Variants in MTRF1 observed in about 807,000 individuals in gnomAD.
The protein encoded by MTRF1 is peptide chain release factor 1, mitochondrial.
In MTRF1, 51 loss-of-function variants were observed where a neutral mutation model predicts 62.9. The observed-to-expected ratio is 0.81, with a 90% CI of 0.65 to 1.02. The LOEUF (loss-of-function observed/expected upper bound fraction) is 1.02, where lower values mean the gene tolerates loss of function less well. Ranked by LOEUF, MTRF1 falls within the 50% of genes least tolerant of loss-of-function variation. The pLI, the probability that MTRF1 is intolerant of heterozygous loss-of-function variation, is 0.00. For synonymous variants in MTRF1, 158 were observed against 181.9 expected, an observed-to-expected ratio of 0.87 and a Z score of 1.06; for missense variants, 446 against 530.0, an observed-to-expected ratio of 0.84 and a Z score of 1.56.
chr13:41,288,800 C>T, the MTRF1 span, among the ~76,000 whole-genome samples: 3 of 151,980 alleles, frequency 2.0e-5, no homozygotes, highest in African/African-American at 7.3e-5. Context: ...TTTTGTTATT[C>T]GAGTTCAAAA....
chr13:41,262,505 T>TA (rs1389878332), intron 1 of MTRF1: 3 of 152,168 alleles, frequency 2.0e-5, no homozygotes, highest in African/African-American at 7.2e-5. Flanking sequence ...AAGATTAGTT[T>TA]AAAAAATTAC....
chr13:41,291,515 T>C, the MTRF1 span, among the ~76,000 whole-genome samples: 1 of 152,098 alleles, frequency 6.6e-6, no homozygotes, highest in African/African-American at 2.4e-5. Context: ...ATTTAGCGAC[T>C]TTCTCCCTTT....
In MTRF1 at chr13:41,253,036, A is replaced by C; in HGVS notation, c.508-6T>G. ...GGCACAAGGCTCTGGAAAAGCTGGAATAAAAATCAGCATTTGTGTGTATAT... is the reference window on the plus strand; with the variant it reads ...GGCACAAGGCTCTGGAAAAGCTGGACTAAAAATCAGCATTTGTGTGTATAT... On this transcript the variant is annotated splice_polypyrimidine_tract_variant and splice_region_variant and intron_variant, in intron 3 of 9. Transcript: ENST00000379480. The C allele has an allele frequency of 6.3e-7, 1 of 1,590,812 alleles. No individual in the cohort carries two copies. The highest frequency in any genetic ancestry group is 8.6e-7 in the Non-Finnish European group (1 of 1,167,198).
the MTRF1 span, among the ~76,000 whole-genome samples, chr13:41,289,249 TTC>T: frequency 6.6e-6 from 1 of 151,410 alleles, no homozygotes; most frequent in Non-Finnish European, 1.5e-5. Flanking sequence ...TTTTTTTTTT[TTC>T]TGAGATGGAG....
the MTRF1 span, among the ~76,000 whole-genome samples, chr13:41,278,386 G>T: frequency 6.6e-6 from 1 of 152,274 alleles, no homozygotes; most frequent in Non-Finnish European, 1.5e-5. Flanking sequence ...GGGCTCAAAG[G>T]CCCTGTTACA....
At chr13:41,259,136 A>C (rs1393143528) in intron 2 of MTRF1, among the ~76,000 whole-genome samples, 1 of 152,210 alleles carries the variant, frequency 6.6e-6, no homozygotes, top group Non-Finnish European at 1.5e-5. Flanking sequence ...AAGTACGTGG[A>C]GAAATATGAA....
the MTRF1 span, among the ~76,000 whole-genome samples, chr13:41,309,356 G>A: frequency 6.6e-6 from 1 of 150,872 alleles, no homozygotes; most frequent in Non-Finnish European, 1.5e-5. Context: ...GTGTGTGTGT[G>A]TGTGTGTGTG....
At chr13:41,255,467 G>A (rs552492567) in intron 2 of MTRF1, among the ~76,000 whole-genome samples, 10 of 152,298 alleles carry the variant, frequency 6.6e-5, no homozygotes, top group East Asian at 3.9e-4. Context: ...CAAGGCAGGC[G>A]GATCACTTGA....
chr13:41,309,097 C>T, the MTRF1 span, among the ~76,000 whole-genome samples: 1 of 152,114 alleles, frequency 6.6e-6, no homozygotes, highest in Non-Finnish European at 1.5e-5. Flanking sequence ...TGGTGTACCA[C>T]ATTTTCTTTA....
intron 3 of MTRF1, among the ~76,000 whole-genome samples, chr13:41,254,045 T>TGATACA (rs2039407762): frequency 6.6e-6 from 1 of 152,230 alleles, no homozygotes; most frequent in African/African-American, 2.4e-5. Context: ...CAGCTGATGC[T>TGATACA]GATACAGTAT....
chr13:41,271,901 G>C, the MTRF1 span, among the ~76,000 whole-genome samples: 1 of 152,114 alleles, frequency 6.6e-6, no homozygotes, highest in Non-Finnish European at 1.5e-5. Context: ...AAGGAATAGA[G>C]AAGACCCTTT....
chr13:41,300,787 A>AAGC, the MTRF1 span, among the ~76,000 whole-genome samples: 2 of 152,212 alleles, frequency 1.3e-5, no homozygotes, highest in East Asian at 3.8e-4. Context: ...CATTAAAATG[A>AAGC]CATAAGTTAT....
chr13:41,234,059 A>T (rs762106225), intron 6 of MTRF1, 52 bp from the exon 7 acceptor site: 1 of 1,341,744 alleles, frequency 7.5e-7, no homozygotes, highest in East Asian at 2.3e-5. Context: ...CTTTAATATA[A>T]AATCGATTCC....
At chr13:41,263,229 G>GAAAAC (rs772710787) in intron 1 of MTRF1, 10 of 1,280,614 alleles carry the variant, frequency 7.8e-6, no homozygotes, top group African/African-American at 1.5e-5. Context: ...CAACATTAAG[G>GAAAAC]AAAACAAAAC....
chr13:41,260,165 T>C (rs1026997295), intron 2 of MTRF1, among the ~76,000 whole-genome samples: 1 of 152,092 alleles, frequency 6.6e-6, no homozygotes, highest in African/African-American at 2.4e-5. Context: ...CTTGTAGGTT[T>C]TTTTAAAAGA....
chr13:41,298,763 T>C, the MTRF1 span, among the ~76,000 whole-genome samples: 1 of 152,186 alleles, frequency 6.6e-6, no homozygotes, highest in East Asian at 1.9e-4. Flanking sequence ...TGAACCATGG[T>C]TGATATATCA....
At chr13:41,234,573 C>T (rs773614816) in intron 6 of MTRF1, among the ~76,000 whole-genome samples, 5 of 152,124 alleles carry the variant, frequency 3.3e-5, no homozygotes, top group Non-Finnish European at 7.3e-5. Flanking sequence ...CCCAAAGTTA[C>T]ATGTAAGAAA....
chr13:41,245,061 T>C (rs746287406), intron 5 of MTRF1, among the ~76,000 whole-genome samples: 2 of 152,306 alleles, frequency 1.3e-5, no homozygotes, highest in South Asian at 2.1e-4. Flanking sequence ...CATTTCTTCT[T>C]GATTTCAAAA....
At chr13:41,226,809 A>ATT (rs2034510230) in intron 7 of MTRF1, among the ~76,000 whole-genome samples, 1 of 152,174 alleles carries the variant, frequency 6.6e-6, no homozygotes, top group Admixed American at 6.5e-5. Context: ...TCCACAGATG[A>ATT]TTACCTGTCC....
Sources: allele counts gnomAD v4.1 joint callset (sites outside exome capture counted in the v4.1 genomes callset), GRCh38; gene constraint gnomAD v4.1.1; transcripts MANE v1.5; gene names NCBI Gene and HGNC (gene_info 2026-07-23, HGNC 2026-07-21).